PRKN: variants seen among roughly 807,000 people sequenced by gnomAD.
PRKN encodes parkin RBR E3 ubiquitin protein ligase, also known as E3 ubiquitin-protein ligase parkin.
In PRKN, 56 loss-of-function variants were observed where a neutral mutation model predicts 59.5. The ratio of observed to expected loss-of-function variants is 0.94; its 90% confidence interval spans 0.76 to 1.18. PRKN has a LOEUF of 1.18. Ranked by LOEUF, PRKN falls within the 50% of genes most tolerant of loss-of-function variation. The probability of loss-of-function intolerance (pLI) is 0.00; values close to 1 mark genes in which losing one functional copy is unlikely to be tolerated. For synonymous variants in PRKN, 250 were observed against 222.1 expected, an observed-to-expected ratio of 1.13 and a Z score of -1.12; for missense variants, 657 against 596.4, an observed-to-expected ratio of 1.10 and a Z score of -1.06.
At chr6:161,453,238 G>A (rs1181722492) in intron 9 of PRKN, among the ~76,000 whole-genome samples, 1 of 152,174 alleles carries the variant, frequency 6.6e-6, no homozygotes, top group Non-Finnish European at 1.5e-5. Context: ...GAGTCAGACT[G>A]CCTGGGCTTA....
At chr6:162,367,200 G>C (rs1785488423) in intron 2 of PRKN, among the ~76,000 whole-genome samples, 1 of 152,072 alleles carries the variant, frequency 6.6e-6, no homozygotes, top group Non-Finnish European at 1.5e-5. Context: ...GCCATCATGT[G>C]ATGAAGGACA....
At chr6:161,806,923 A>G (rs1372114344) in intron 6 of PRKN, among the ~76,000 whole-genome samples, 2 of 152,180 alleles carry the variant, frequency 1.3e-5, no homozygotes, top group Non-Finnish European at 2.9e-5. Context: ...AATCATCCGA[A>G]CACCACCTGC....
intron 6 of PRKN, among the ~76,000 whole-genome samples, chr6:161,825,237 A>C (rs956145505): frequency 6.6e-6 from 1 of 152,194 alleles, no homozygotes; most frequent in Non-Finnish European, 1.5e-5. Context: ...GAAAATTGAA[A>C]TATGTTATTT....
chr6:161,969,935 T>C (rs1210937465), intron 6 of PRKN, among the ~76,000 whole-genome samples: 1 of 152,208 alleles, frequency 6.6e-6, no homozygotes, highest in Non-Finnish European at 1.5e-5. Context: ...GACTCTGTTT[T>C]TAGCTGAACT....
chr6:161,765,766 C>T (rs1012190416), intron 7 of PRKN, among the ~76,000 whole-genome samples: 7 of 152,120 alleles, frequency 4.6e-5, no homozygotes, highest in African/African-American at 1.7e-4. Flanking sequence ...CCCTCTGAAA[C>T]CAACATCTTT....
At position 161,401,057 on chromosome 6, in the gene PRKN, TA is replaced by T. The variant is rs1246708684; in HGVS notation, c.1084-14181del. Among the ~76,000 whole-genome samples the T allele has an allele frequency of 6.6e-6, 1 of 152,092 alleles. No individual in the cohort carries two copies. Among genetic ancestry groups the T allele is most frequent in the Middle Eastern group, 3.2e-3 (1 of 316 alleles). ...ATCCTTCATTATAGAATGAGCTTAA[TA>T]AACACGAAGTCATAGAAATCCACCA... On this transcript the variant is annotated intron_variant, in intron 9 of 11. Transcript: ENST00000366898. The surrounding 1 kb of genome is among the most constrained non-coding windows in gnomAD (Gnocchi z 4.4).
chr6:162,034,184 T>TAGAG (rs763053180), intron 5 of PRKN, among the ~76,000 whole-genome samples: 281 of 122,802 alleles, frequency 2.3e-3, no homozygotes, highest in African/African-American at 7.7e-3. Context: ...TATATATATA[T>TAGAG]ATAGAGAGAG....
intron 4 of PRKN, among the ~76,000 whole-genome samples, chr6:162,100,775 A>C (rs1000391778): frequency 6.6e-6 from 1 of 152,096 alleles, no homozygotes; most frequent in African/African-American, 2.4e-5. Flanking sequence ...CCATCCTAAC[A>C]GGTATGAGGT....
chr6:162,680,408 C>A (rs1212355582), intron 1 of PRKN, among the ~76,000 whole-genome samples: 1 of 149,252 alleles, frequency 6.7e-6, no homozygotes, highest in African/African-American at 2.5e-5. Flanking sequence ...TATATATGTA[C>A]ACACATACAG....
intron 7 of PRKN, among the ~76,000 whole-genome samples, chr6:161,754,466 C>T (rs529181646): frequency 4.8e-4 from 73 of 152,040 alleles, no homozygotes; most frequent in African/African-American, 1.6e-3. Context: ...GGTGGGGACA[C>T]GAGGGCCATG....
At chr6:161,740,313 G>A (rs1411861006) in intron 7 of PRKN, among the ~76,000 whole-genome samples, 3 of 152,106 alleles carry the variant, frequency 2.0e-5, no homozygotes, top group Non-Finnish European at 2.9e-5. Flanking sequence ...GGATGTTATT[G>A]TCCTCGTCTA....
intron 2 of PRKN, among the ~76,000 whole-genome samples, chr6:162,426,520 G>A (rs1466877493): frequency 1.3e-5 from 2 of 152,156 alleles, no homozygotes. Context: ...GCACAATCTC[G>A]GCTCACTACA....
At chr6:162,177,601 C>T (rs1008786784) in intron 4 of PRKN, among the ~76,000 whole-genome samples, 2 of 151,682 alleles carry the variant, frequency 1.3e-5, no homozygotes, top group African/African-American at 4.9e-5. Context: ...AGAAAAACAA[C>T]AATTACTAAT....
chr6:162,536,687 C>A (rs549441091), intron 1 of PRKN, among the ~76,000 whole-genome samples: 1 of 152,210 alleles, frequency 6.6e-6, no homozygotes, highest in South Asian at 2.1e-4. Flanking sequence ...GTCTCTGCTA[C>A]CTGAGCAGAA....
intron 5 of PRKN, among the ~76,000 whole-genome samples, chr6:161,994,184 C>A (rs1325717781): frequency 6.8e-6 from 1 of 146,868 alleles, no homozygotes; most frequent in Non-Finnish European, 1.5e-5. Context: ...ATAAACAGAT[C>A]AATAAATGTG....
chr6:162,106,771 C>T (rs1021797205), intron 4 of PRKN, among the ~76,000 whole-genome samples: 3 of 152,150 alleles, frequency 2.0e-5, no homozygotes, highest in Non-Finnish European at 2.9e-5. Flanking sequence ...CTGACCTTGT[C>T]CTGGGGACTG....
intron 7 of PRKN, among the ~76,000 whole-genome samples, chr6:161,722,251 C>A (rs528474608): frequency 6.6e-6 from 1 of 152,240 alleles, no homozygotes; most frequent in Admixed American, 6.5e-5. Context: ...CCCCAGCATA[C>A]AAATATCATA....
chr6:162,674,532 A>G (rs1779462046), intron 1 of PRKN, among the ~76,000 whole-genome samples: 1 of 152,216 alleles, frequency 6.6e-6, no homozygotes, highest in Non-Finnish European at 1.5e-5. Context: ...ATGGGAGGAC[A>G]CGAGAAGCTG....
intron 2 of PRKN, among the ~76,000 whole-genome samples, chr6:162,310,000 A>G (rs1782418091): frequency 6.6e-6 from 1 of 152,150 alleles, no homozygotes; most frequent in Non-Finnish European, 1.5e-5. Flanking sequence ...GCTAAGGATA[A>G]TGGCTTCCAG....
Sources: gnomAD v4.1 joint callset for allele counts (sites outside exome capture counted in the v4.1 genomes callset) on GRCh38, gnomAD v4.1.1 for gene constraint, Gnocchi (gnomAD v3.1) non-coding constraint, MANE v1.5 for transcripts, NCBI Gene and HGNC (gene_info 2026-07-23, HGNC 2026-07-21) for gene names.